MED13L: variants seen among roughly 807,000 people sequenced by gnomAD.
MED13L encodes mediator complex subunit 13L.
Under a neutral mutation model 220.9 loss-of-function variants are expected in MED13L, and 7 were observed. That is an observed-to-expected ratio of 0.03 (90% CI 0.02 to 0.06). MED13L has a LOEUF of 0.06. Ranked by LOEUF, MED13L falls within the 10% of genes least tolerant of loss-of-function variation. The pLI, the probability that MED13L is intolerant of heterozygous loss-of-function variation, is 1.00. For missense variants in MED13L, 1,965 were observed against 2,760.5 expected, an observed-to-expected ratio of 0.71 and a Z score of 6.46; for synonymous variants, 1,011 against 1,015.2, an observed-to-expected ratio of 1.00 and a Z score of 0.08.
At position 115,982,978 on chromosome 12, in the gene MED13L, T is replaced by C. The variant is rs71469744; in HGVS notation, c.4955+139A>G. ...AACACTGCAGCTTTAGATCGACCAT[T>C]GCCCCTTTCTTTTGAGAAGAGAAAT... is the stretch of plus-strand genomic sequence containing the variant. On this transcript the variant is annotated intron_variant, in intron 21 of 30. Coordinates refer to ENST00000281928, the MANE Select transcript of MED13L (RefSeq NM_015335.5). 14,516 of 886,888 alleles carry C rather than the reference T, an allele frequency of 0.016. 161 individuals are homozygous for C. Among genetic ancestry groups the C allele is most frequent in the Non-Finnish European group, 0.021 (12,364 of 580,382 alleles). The allele number at this position is 886,888 out of a possible 1,614,324, so 54.9% of individuals were successfully genotyped here. A position where few individuals can be genotyped will look rare whatever the true frequency, so the allele number is the denominator to read the frequency against.
intron 4 of MED13L, among the ~76,000 whole-genome samples, chr12:116,062,844 A>G (rs1480398726): frequency 6.6e-6 from 1 of 152,164 alleles, no homozygotes; most frequent in African/African-American, 2.4e-5. Context: ...AGCACACAAC[A>G]TGGAGTCCCA....
At chr12:116,098,294 G>T (rs1316307891) in intron 3 of MED13L, among the ~76,000 whole-genome samples, 1 of 151,784 alleles carries the variant, frequency 6.6e-6, no homozygotes, top group African/African-American at 2.4e-5. Context: ...ATAAAAATGT[G>T]GGGGGGAAAT....
chr12:116,109,632 T>A (rs1038512607), intron 3 of MED13L, among the ~76,000 whole-genome samples: 16 of 152,232 alleles, frequency 1.1e-4, no homozygotes, highest in African/African-American at 3.6e-4. Flanking sequence ...ATTGCAGAGA[T>A]ACCAAGAGCT....
intron 4 of MED13L, among the ~76,000 whole-genome samples, chr12:116,027,840 C>G (rs1428888419): frequency 6.6e-6 from 1 of 152,158 alleles, no homozygotes; most frequent in Non-Finnish European, 1.5e-5. Context: ...CAGATAACTC[C>G]AAGTTACAAA....
chr12:116,096,583 T>G, intron 4 of MED13L, 86 bp downstream of exon 4: 1 of 964,722 alleles, frequency 1.0e-6, no homozygotes, highest in Non-Finnish European at 1.7e-6. Flanking sequence ...CTACTAACAT[T>G]ATTAGGAAAT....
chr12:116,072,943 C>T (rs574450545), intron 4 of MED13L, among the ~76,000 whole-genome samples: 1 of 152,216 alleles, frequency 6.6e-6, no homozygotes, highest in South Asian at 2.1e-4. Context: ...TTTGAAAGTC[C>T]ACACTCGGAT....
At chr12:116,079,700 A>G (rs1481114496) in intron 4 of MED13L, among the ~76,000 whole-genome samples, 1 of 151,894 alleles carries the variant, frequency 6.6e-6, no homozygotes, top group Non-Finnish European at 1.5e-5. Context: ...CACCACAGCT[A>G]ATATTGGTAT....
At chr12:116,006,482 A>G in intron 11 of MED13L, 71 bp from the exon 12 acceptor site, 1 of 1,184,488 alleles carries the variant, frequency 8.4e-7, no homozygotes, top group Non-Finnish European at 1.3e-6. Context: ...GGGAGAACAC[A>G]AAGAATTAGA....
intron 14 of MED13L, 64 bp downstream of exon 14, chr12:116,002,939 G>A: frequency 8.0e-7 from 1 of 1,255,410 alleles, no homozygotes; most frequent in East Asian, 2.3e-5. Flanking sequence ...CACTAAGTAT[G>A]AGAATATTAT....
intron 2 of MED13L, among the ~76,000 whole-genome samples, chr12:116,171,970 C>T (rs922807108): frequency 6.6e-6 from 1 of 152,150 alleles, no homozygotes; most frequent in African/African-American, 2.4e-5. Context: ...CTTTTTTAAT[C>T]AACTTCATGA....
At chr12:116,068,698 TGTCA>T (rs1870138979) in intron 4 of MED13L, among the ~76,000 whole-genome samples, 3 of 152,206 alleles carry the variant, frequency 2.0e-5, no homozygotes, top group African/African-American at 7.2e-5. Flanking sequence ...CTTTTCAGAA[TGTCA>T]GTGTTTTAAA....
chr12:116,170,030 C>T (rs1424972764), intron 2 of MED13L, among the ~76,000 whole-genome samples: 1 of 152,024 alleles, frequency 6.6e-6, no homozygotes, highest in African/African-American at 2.4e-5. Context: ...AATAAACAAA[C>T]AAAAAATCGT....
intron 2 of MED13L, among the ~76,000 whole-genome samples, chr12:116,154,152 T>C (rs546910944): frequency 3.9e-5 from 6 of 152,326 alleles, no homozygotes; most frequent in South Asian, 4.1e-4. Flanking sequence ...CAATGAAGCA[T>C]TGTGACTCTT....
intron 3 of MED13L, among the ~76,000 whole-genome samples, chr12:116,109,444 C>T (rs1470649273): frequency 6.6e-6 from 1 of 151,916 alleles, no homozygotes; most frequent in Non-Finnish European, 1.5e-5. Context: ...AACATGCTAC[C>T]ATTGCCAGTA....
At chr12:116,134,402 T>A (rs1728913447) in intron 2 of MED13L, among the ~76,000 whole-genome samples, 1 of 152,180 alleles carries the variant, frequency 6.6e-6, no homozygotes, top group South Asian at 2.1e-4. Context: ...TACATATTAA[T>A]AAGAAAATTT....
chr12:116,208,674 A>T (rs541239378), intron 2 of MED13L, among the ~76,000 whole-genome samples: 1 of 152,368 alleles, frequency 6.6e-6, no homozygotes, highest in African/African-American at 2.4e-5. Context: ...ATATAAAGAA[A>T]AAAGCATCTG....
chr12:116,099,590 A>G (rs1020611090), intron 3 of MED13L, among the ~76,000 whole-genome samples: 1 of 152,248 alleles, frequency 6.6e-6, no homozygotes, highest in South Asian at 2.1e-4. Context: ...CCAAGGCTAC[A>G]GAGAGTATAA....
At chr12:116,210,551 C>CTATATATATATG (rs1882627406) in intron 2 of MED13L, among the ~76,000 whole-genome samples, 1 of 113,666 alleles carries the variant, frequency 8.8e-6, no homozygotes, top group Non-Finnish European at 1.8e-5. Flanking sequence ...AGAACGTAAC[C>CTATATATATATG]TATATATATA....
At chr12:115,973,201 AT>A (rs1434672314) in intron 25 of MED13L, among the ~76,000 whole-genome samples, 1 of 152,208 alleles carries the variant, frequency 6.6e-6, no homozygotes, top group East Asian at 1.9e-4. Flanking sequence ...TGAGCTTCAT[AT>A]TTCAAACCAA....
Sources: gnomAD v4.1 joint callset for allele counts (sites outside exome capture counted in the v4.1 genomes callset) on GRCh38, gnomAD v4.1.1 for gene constraint, MANE v1.5 for transcripts, NCBI Gene and HGNC (gene_info 2026-07-23, HGNC 2026-07-21) for gene names.